The following ATF6 variants were observed in gnomAD, a reference collection of about 807,000 sequenced individuals.
ATF6 encodes the protein activating transcription factor 6.
Under a neutral mutation model 83.6 loss-of-function variants are expected in ATF6, and 53 were observed. The observed-to-expected ratio is 0.63, with a 90% confidence interval of 0.51 to 0.80. The LOEUF (loss-of-function observed/expected upper bound fraction) is 0.80. Among genes scored for constraint, ATF6 ranks in the 30% least tolerant of loss-of-function variants. The pLI, the probability that ATF6 is intolerant of heterozygous loss-of-function variation, is 0.00. For missense variants in ATF6, 744 were observed against 797.9 expected, an observed-to-expected ratio of 0.93 and a Z score of 0.81; for synonymous variants, 288 against 285.8, an observed-to-expected ratio of 1.01 and a Z score of -0.08.
intron 9 of ATF6, among the ~76,000 whole-genome samples, chr1:161,824,938 AT>A (rs1317953662): frequency 1.3e-5 from 2 of 152,244 alleles, no homozygotes; most frequent in African/African-American, 4.8e-5. Context: ...ACATATAGGC[AT>A]TAAAAAAATG....
chr1:161,810,778 TC>T (rs1685435898), intron 7 of ATF6, among the ~76,000 whole-genome samples: 1 of 152,132 alleles, frequency 6.6e-6, no homozygotes, highest in Non-Finnish European at 1.5e-5. Context: ...CATTTCTCAC[TC>T]CCTGCAGCCC....
At position 161,802,145 on chromosome 1, in the gene ATF6, G is replaced by A; in HGVS notation, c.782G>A (p.Gly261Glu). Residue 261 changes from glycine (G) to glutamate (E), a missense_variant, in exon 7 of 16, where the codon GGA becomes GAA. By Grantham distance (98) the Gly-to-Glu change is moderately conservative. Coordinates refer to ENST00000367942, the MANE Select transcript of ATF6 (RefSeq NM_007348.4). ...SAQPVLAVAG[G>E]VTQLPNHVVN... ...CAGCCAGTCCTTGCTGTTGCTGGGGGAGTCACACAGCTCCCTAATCACGTG... is the reference window on the plus strand; with the variant it reads ...CAGCCAGTCCTTGCTGTTGCTGGGGAAGTCACACAGCTCCCTAATCACGTG... 2 of 1,614,092 alleles carry A rather than the reference G, an allele frequency of 1.2e-6. No individual in the cohort carries two copies. The highest frequency in any genetic ancestry group is 1.3e-5 in the African/African-American group (1 of 75,032).
At chr1:161,871,694 C>T (rs572103167) in intron 14 of ATF6, among the ~76,000 whole-genome samples, 14 of 151,664 alleles carry the variant, frequency 9.2e-5, no homozygotes, top group African/African-American at 3.4e-4. Context: ...TGCATTCTAG[C>T]CCCAATGTTG....
intron 15 of ATF6, among the ~76,000 whole-genome samples, chr1:161,945,579 A>G (rs929172881): frequency 1.3e-5 from 2 of 152,196 alleles, no homozygotes; most frequent in Non-Finnish European, 2.9e-5. Flanking sequence ...TCACTGGGAG[A>G]TAGTATACTT....
At chr1:161,862,813 T>C (rs1227771491) in intron 13 of ATF6, among the ~76,000 whole-genome samples, 2 of 152,174 alleles carry the variant, frequency 1.3e-5, no homozygotes, top group African/African-American at 4.8e-5. Context: ...CCTTCATATA[T>C]TCGACAGGGT....
chr1:161,817,280 G>A (rs1326107403), intron 7 of ATF6, among the ~76,000 whole-genome samples: 3 of 152,256 alleles, frequency 2.0e-5, no homozygotes, highest in Non-Finnish European at 2.9e-5. Flanking sequence ...GTTGCCTTTT[G>A]TCTAACTTTT....
Position 161,793,888 on chromosome 1 carries a change from T to C in ATF6, c.688+1561T>C, listed in dbSNP as rs190204903. ...ATTTTTTTGTGAGCATGTGCTAATA[T>C]GAGGAACTGCACCTTGCCTGTTTTT... On this transcript the variant is annotated intron_variant, in intron 6 of 15. Transcript: ENST00000367942. 7.9e-5 allele frequency among the ~76,000 whole-genome samples: 12 copies of C among 152,270 alleles called. No individual in the cohort carries two copies. In the East Asian group the frequency reaches 2.1e-3, roughly 27 times the overall value.
intron 1 of ATF6, among the ~76,000 whole-genome samples, 171 bp from the exon 2 acceptor site, chr1:161,778,073 C>G (rs1684558083): frequency 6.6e-6 from 1 of 152,176 alleles, no homozygotes; most frequent in African/African-American, 2.4e-5. Flanking sequence ...CAGAAAACAA[C>G]ACATAAATTG....
intron 12 of ATF6, among the ~76,000 whole-genome samples, chr1:161,858,071 C>T (rs963252917): frequency 6.6e-6 from 1 of 152,056 alleles, no homozygotes; most frequent in Non-Finnish European, 1.5e-5. Context: ...CACATCATTG[C>T]TCTCCTGCCT....
intron 3 of ATF6, 25 bp from the exon 4 acceptor site, chr1:161,783,965 A>G (rs749450474): frequency 3.4e-6 from 5 of 1,486,794 alleles, no homozygotes; most frequent in East Asian, 2.3e-5. Flanking sequence ...TCCAGTGGGT[A>G]AAACCTTTCC....
At chr1:161,885,252 G>A (rs1687397323) in intron 14 of ATF6, among the ~76,000 whole-genome samples, 1 of 152,088 alleles carries the variant, frequency 6.6e-6, no homozygotes, top group South Asian at 2.1e-4. Context: ...TTAATAAGAA[G>A]CTATAAATAA....
At chr1:161,863,964 T>C (rs1283195353) in intron 14 of ATF6, among the ~76,000 whole-genome samples, 4 of 152,242 alleles carry the variant, frequency 2.6e-5, no homozygotes, top group African/African-American at 7.2e-5. Context: ...ATTTTCTTCA[T>C]AGAATTGCCA....
chr1:161,913,355 A>G (rs769554671), intron 15 of ATF6, among the ~76,000 whole-genome samples: 25 of 152,182 alleles, frequency 1.6e-4, no homozygotes, highest in Non-Finnish European at 3.2e-4. Flanking sequence ...ATAAAACAAA[A>G]CACTAGAATT....
intron 14 of ATF6, among the ~76,000 whole-genome samples, chr1:161,911,214 G>A (rs1480780778): frequency 6.6e-6 from 1 of 152,136 alleles, no homozygotes; most frequent in Non-Finnish European, 1.5e-5. Context: ...AAAGCAAAAT[G>A]CATCAAACTT....
At chr1:161,865,160 C>CT (rs773968112) in intron 14 of ATF6, among the ~76,000 whole-genome samples, 2,317 of 146,016 alleles carry the variant, frequency 0.016, 48 homozygotes, top group African/African-American at 0.046. Flanking sequence ...ACAATCCTAG[C>CT]TTTTTTTTTT....
intron 14 of ATF6, among the ~76,000 whole-genome samples, chr1:161,879,230 A>G (rs1472998971): frequency 6.6e-6 from 1 of 152,160 alleles, no homozygotes; most frequent in African/African-American, 2.4e-5. Context: ...AGCTGAAAGT[A>G]AGGATATTAG....
intron 15 of ATF6, among the ~76,000 whole-genome samples, chr1:161,925,406 G>T (rs1204330481): frequency 1.3e-5 from 2 of 151,884 alleles, no homozygotes; most frequent in African/African-American, 4.8e-5. Flanking sequence ...TTGCTGATTT[G>T]GATTTTTGGC....
At chr1:161,853,160 G>A in intron 11 of ATF6, 64 bp from the exon 12 acceptor site, 1 of 1,169,034 alleles carries the variant, frequency 8.6e-7, no homozygotes, top group Admixed American at 2.1e-5. Flanking sequence ...CACCCACAGG[G>A]TGAAACATCC....
chr1:161,821,425 G>A (rs1557978767), intron 9 of ATF6, among the ~76,000 whole-genome samples: 1 of 152,124 alleles, frequency 6.6e-6, no homozygotes, highest in South Asian at 2.1e-4. Flanking sequence ...AGTTCCTTGA[G>A]GTGAAGGTTC....
Sources: allele counts gnomAD v4.1 joint callset (sites outside exome capture counted in the v4.1 genomes callset), GRCh38; gene constraint gnomAD v4.1.1; transcripts MANE v1.5; gene names NCBI Gene and HGNC (gene_info 2026-07-23, HGNC 2026-07-21).